Variants in DCAF8L2 observed in about 807,000 individuals in gnomAD.
DCAF8L2 encodes the protein DDB1- and CUL4-associated factor 8-like protein 2.
For synonymous variants in DCAF8L2, 200 were observed against 190.9 expected (o/e 1.05, Z -0.39); for missense variants, 430 against 490.7 (o/e 0.88, Z 1.17).
At chrX:27,629,465 T>G (rs6628288) in intron 1 of DCAF8L2, among the ~76,000 whole-genome samples, 18,646 of 108,141 alleles carry the variant, frequency 0.17, 1,359 homozygotes, top group East Asian at 0.39. Context: ...TCTCTCTTTT[T>G]TCTTTCTTTC....
the DCAF8L2 span, among the ~76,000 whole-genome samples, chrX:27,524,412 TTC>T: frequency 8.9e-6 from 1 of 111,974 alleles, no homozygotes; most frequent in Non-Finnish European, 1.9e-5. Flanking sequence ...TATTTGATTT[TTC>T]TCTCTTTTCT....
chrX:27,514,537 C>T, the DCAF8L2 span, among the ~76,000 whole-genome samples: 2 of 103,541 alleles, frequency 1.9e-5, no homozygotes, highest in Non-Finnish European at 4.0e-5. Flanking sequence ...GGCGTAGTGG[C>T]GGGCGCCTGT....
At chrX:27,729,859 G>C (rs1299510973) in intron 4 of DCAF8L2, among the ~76,000 whole-genome samples, 1 of 111,691 alleles carries the variant, frequency 9.0e-6, no homozygotes, top group African/African-American at 3.3e-5. Flanking sequence ...CAATTTTGAT[G>C]CTGTACTCCT....
the DCAF8L2 span, among the ~76,000 whole-genome samples, chrX:27,580,598 A>C: frequency 1.8e-5 from 2 of 111,893 alleles, no homozygotes; most frequent in Admixed American, 1.9e-4. Flanking sequence ...GCCAGGGTAC[A>C]TAATCAGATA....
chrX:27,508,592 G>C, the DCAF8L2 span, among the ~76,000 whole-genome samples: 2 of 107,332 alleles, frequency 1.9e-5, no homozygotes, highest in East Asian at 5.8e-4. Context: ...TCCATCCTTA[G>C]AACATGTGTG....
the DCAF8L2 span, among the ~76,000 whole-genome samples, chrX:27,473,461 T>C: frequency 9.0e-6 from 1 of 110,837 alleles, no homozygotes; most frequent in Non-Finnish European, 1.9e-5. Context: ...AAATAAACCT[T>C]CCTGTTTTAC....
chrX:27,627,383 T>A (rs776066331), intron 1 of DCAF8L2: 5 of 111,035 alleles, frequency 4.5e-5, no homozygotes, highest in Non-Finnish European at 1.9e-5. Context: ...ATGCAAATGA[T>A]GGCACATATA....
At chrX:27,576,540 A>G in the DCAF8L2 span, among the ~76,000 whole-genome samples, 3 of 112,172 alleles carry the variant, frequency 2.7e-5, no homozygotes, top group Non-Finnish European at 5.6e-5. Context: ...ATCTCATTTT[A>G]TGTAACCCCT....
chrX:27,493,066 C>T, the DCAF8L2 span, among the ~76,000 whole-genome samples: 1 of 109,682 alleles, frequency 9.1e-6, no homozygotes, highest in Non-Finnish European at 1.9e-5. Context: ...ACCCTGTCTG[C>T]ACAAAAAAAT....
chrX:27,629,469 T>G (rs969887388), intron 1 of DCAF8L2, among the ~76,000 whole-genome samples: 63 of 109,902 alleles, frequency 5.7e-4, no homozygotes, highest in Non-Finnish European at 8.9e-4. Flanking sequence ...TCTTTTTTCT[T>G]TCTTTCTTTC....
chrX:27,607,242 T>C (rs1197608262), intron 1 of DCAF8L2, among the ~76,000 whole-genome samples: 2 of 112,029 alleles, frequency 1.8e-5, no homozygotes, highest in African/African-American at 6.5e-5. Context: ...CAGAACACCA[T>C]ACAGCAGAAT....
intron 4 of DCAF8L2, among the ~76,000 whole-genome samples, chrX:27,741,514 A>C (rs1921852093): frequency 9.2e-6 from 1 of 108,130 alleles, no homozygotes; most frequent in Non-Finnish European, 1.9e-5. Flanking sequence ...GCATCCAACC[A>C]GAATCCCAGT....
At chrX:27,502,332 AAAAATATATATATATATATATATATAT>A in the DCAF8L2 span, among the ~76,000 whole-genome samples, 338 of 34,053 alleles carry the variant, frequency 9.9e-3, 4 homozygotes, top group Non-Finnish European at 0.012. Flanking sequence ...AAAAAAAAAA[AAAAATATATATATATATATATATATAT>A]ATATATATAT....
intron 3 of DCAF8L2, among the ~76,000 whole-genome samples, chrX:27,687,760 A>T (rs1157235222): frequency 9.0e-6 from 1 of 111,614 alleles, no homozygotes; most frequent in Non-Finnish European, 1.9e-5. Flanking sequence ...AGGCTGAGGC[A>T]GGAGGATTGC....
At chrX:27,677,482 T>C (rs1221506821) in intron 2 of DCAF8L2, among the ~76,000 whole-genome samples, 2 of 111,748 alleles carry the variant, frequency 1.8e-5, no homozygotes, top group East Asian at 2.8e-4. Context: ...CATGTGGTGA[T>C]GAAGAATGGA....
At chrX:27,674,322 GC>G (rs980198943) in intron 2 of DCAF8L2, among the ~76,000 whole-genome samples, 1 of 111,032 alleles carries the variant, frequency 9.0e-6, no homozygotes, top group Non-Finnish European at 1.9e-5. Flanking sequence ...TACTTATTGT[GC>G]CCCCCTTCCT....
At chrX:27,717,753 C>A (rs1931752592) in intron 4 of DCAF8L2, among the ~76,000 whole-genome samples, 1 of 111,649 alleles carries the variant, frequency 9.0e-6, no homozygotes, top group East Asian at 2.8e-4. Flanking sequence ...TCAATTTTTG[C>A]TTTTGTTAAG....
the DCAF8L2 span, among the ~76,000 whole-genome samples, chrX:27,541,071 A>G: frequency 9.0e-6 from 1 of 111,621 alleles, no homozygotes; most frequent in African/African-American, 3.3e-5. Context: ...CTGAAGCTTC[A>G]TTGAAAAATC....
intron 1 of DCAF8L2, among the ~76,000 whole-genome samples, chrX:27,611,906 G>A (rs777723326): frequency 1.3e-4 from 14 of 111,326 alleles, no homozygotes; most frequent in East Asian, 5.7e-4. Context: ...ATAAACATAC[G>A]TGTGCATGTT....
Sources: gnomAD v4.1 joint callset for allele counts (sites outside exome capture counted in the v4.1 genomes callset) on GRCh38, gnomAD v4.1.1 for gene constraint, MANE v1.5 for transcripts, NCBI Gene and HGNC (gene_info 2026-07-23, HGNC 2026-07-21) for gene names.